PCCA: variants seen among roughly 807,000 people sequenced by gnomAD.
PCCA encodes the protein propionyl-CoA carboxylase alpha chain, mitochondrial.
A neutral mutation model predicts 101.3 loss-of-function variants in PCCA; 74 were observed. The observed-to-expected ratio is 0.73, with a 90% CI of 0.61 to 0.89. The LOEUF (loss-of-function observed/expected upper bound fraction) is 0.89, where lower values mean the gene tolerates loss of function less well. PCCA is among the 40% of genes least tolerant of loss of function. The pLI is 0.00. For missense variants in PCCA, 891 were observed against 907.0 expected (o/e 0.98, Z 0.23); for synonymous variants, 294 against 313.6 (o/e 0.94, Z 0.66).
intron 18 of PCCA, among the ~76,000 whole-genome samples, chr13:100,341,323 C>T (rs910785642): frequency 5.3e-5 from 8 of 152,124 alleles, no homozygotes; most frequent in African/African-American, 1.7e-4. Flanking sequence ...TATAAACTTC[C>T]TGTGAGCAGG....
intron 4 of PCCA, among the ~76,000 whole-genome samples, chr13:100,140,053 A>T (rs920534867): frequency 6.6e-6 from 1 of 152,182 alleles, no homozygotes; most frequent in South Asian, 2.1e-4. Context: ...AATTACATCC[A>T]TACATGCCCA....
chr13:100,344,119 A>G (rs567195329), intron 18 of PCCA, among the ~76,000 whole-genome samples: 2 of 152,322 alleles, frequency 1.3e-5, no homozygotes, highest in African/African-American at 4.8e-5. Context: ...CAAGTAAATT[A>G]TATCTTAATG....
intron 4 of PCCA, chr13:100,150,628 G>A: frequency 7.9e-7 from 1 of 1,258,188 alleles, no homozygotes; most frequent in Non-Finnish European, 1.1e-6. Context: ...TCCCTGTGCT[G>A]TGGACTGATT....
At chr13:100,461,705 C>T (rs536413287) in intron 21 of PCCA, among the ~76,000 whole-genome samples, 1 of 152,302 alleles carries the variant, frequency 6.6e-6, no homozygotes, top group African/African-American at 2.4e-5. Context: ...CTGTAACTTT[C>T]CACCTGTCCC....
intron 19 of PCCA, among the ~76,000 whole-genome samples, chr13:100,400,627 G>GTTTTTTTTTTTTTTTTTTTTT (rs763331038): frequency 6.2e-5 from 5 of 80,244 alleles, no homozygotes; most frequent in African/African-American, 1.3e-4. Flanking sequence ...GTTCTTTTTA[G>GTTTTTTTTTTTTTTTTTTTTT]TTCTTTTTTT....
intron 10 of PCCA, among the ~76,000 whole-genome samples, chr13:100,265,640 G>T (rs1014624922): frequency 6.6e-6 from 1 of 151,966 alleles, no homozygotes; most frequent in African/African-American, 2.4e-5. Context: ...TTTGTATTTG[G>T]GTCGTATTGA....
chr13:100,422,617 T>C (rs960830739), intron 19 of PCCA, among the ~76,000 whole-genome samples: 1 of 152,248 alleles, frequency 6.6e-6, no homozygotes, highest in African/African-American at 2.4e-5. Context: ...CCTCCATATC[T>C]GTTGTCTTCT....
intron 21 of PCCA, chr13:100,480,288 T>C (rs944113014): frequency 1.1e-4 from 17 of 152,186 alleles, no homozygotes; most frequent in African/African-American, 3.9e-4. Context: ...TGTGTTTCCT[T>C]GAAAGATCTC....
chr13:100,488,623 TTTTTG>T (rs1172885492), intron 21 of PCCA, among the ~76,000 whole-genome samples: 1 of 135,284 alleles, frequency 7.4e-6, no homozygotes, highest in African/African-American at 2.6e-5. Flanking sequence ...AAGTTTTGTT[TTTTTG>T]TTTTGTTTTT....
intron 19 of PCCA, among the ~76,000 whole-genome samples, chr13:100,388,562 G>A (rs561747388): frequency 3.8e-4 from 58 of 152,292 alleles, no homozygotes; most frequent in African/African-American, 1.3e-3. Flanking sequence ...TTGGGAGGCC[G>A]AGGTGGGCAG....
intron 18 of PCCA, among the ~76,000 whole-genome samples, chr13:100,344,083 A>G (rs548952955): frequency 1.3e-5 from 2 of 152,236 alleles, no homozygotes; most frequent in Non-Finnish European, 2.9e-5. Flanking sequence ...TCAAAGTAAT[A>G]AAAAGTAAAA....
intron 16 of PCCA, among the ~76,000 whole-genome samples, chr13:100,313,711 C>T (rs1253023772): frequency 6.6e-6 from 1 of 152,110 alleles, no homozygotes; most frequent in African/African-American, 2.4e-5. Context: ...TTAAATTCCT[C>T]TTATAGTTAG....
At chr13:100,408,444 G>A (rs1277083867) in intron 19 of PCCA, among the ~76,000 whole-genome samples, 6 of 152,128 alleles carry the variant, frequency 3.9e-5, no homozygotes, top group African/African-American at 9.7e-5. Flanking sequence ...TTAAAGTCAC[G>A]TGAACTGAAA....
chr13:100,249,687 A>T (rs2061644627), intron 8 of PCCA, among the ~76,000 whole-genome samples: 2 of 152,212 alleles, frequency 1.3e-5, no homozygotes. Flanking sequence ...TCTTAACAAT[A>T]TTGAATCTTC....
intron 19 of PCCA, among the ~76,000 whole-genome samples, chr13:100,407,940 C>A (rs769165297): frequency 6.6e-6 from 1 of 152,148 alleles, no homozygotes; most frequent in Non-Finnish European, 1.5e-5. Context: ...TACCTGAGGT[C>A]AGGAGGTCAA....
At chr13:100,102,183 T>G in intron 1 of PCCA, among the ~76,000 whole-genome samples, 1 of 152,042 alleles carries the variant, frequency 6.6e-6, no homozygotes, top group Middle Eastern at 3.4e-3. Flanking sequence ...CTCTGTTGCC[T>G]AGGCTGGAGT....
At chr13:100,461,109 C>G (rs984343285) in intron 21 of PCCA, among the ~76,000 whole-genome samples, 2 of 152,204 alleles carry the variant, frequency 1.3e-5, no homozygotes, top group African/African-American at 4.8e-5. Context: ...ATAACTGTTT[C>G]TAATAATATC....
chr13:100,298,931 G>T (rs2065848450), intron 12 of PCCA, among the ~76,000 whole-genome samples: 1 of 151,600 alleles, frequency 6.6e-6, no homozygotes, highest in African/African-American at 2.4e-5. Context: ...TTCATATCCT[G>T]TGGAGTAGCT....
chr13:100,116,039 T>G (rs1360842057), intron 4 of PCCA, among the ~76,000 whole-genome samples: 2 of 152,190 alleles, frequency 1.3e-5, no homozygotes, highest in African/African-American at 4.8e-5. Flanking sequence ...TGCTATGTGG[T>G]TTCTGTTTCA....
Sources: gnomAD v4.1 joint callset for allele counts (sites outside exome capture counted in the v4.1 genomes callset) on GRCh38, gnomAD v4.1.1 for gene constraint, MANE v1.5 for transcripts, NCBI Gene and HGNC (gene_info 2026-07-23, HGNC 2026-07-21) for gene names.